CNOT1: variants seen among roughly 807,000 people sequenced by gnomAD.
CNOT1 encodes the protein CCR4-NOT transcription complex subunit 1.
A neutral mutation model predicts 273.8 loss-of-function variants in CNOT1; 15 were observed. The observed-to-expected ratio is 0.05, with a 90% confidence interval of 0.04 to 0.08. The LOEUF (loss-of-function observed/expected upper bound fraction) is 0.08, where lower values mean the gene tolerates loss of function less well. CNOT1 is among the 10% of genes least tolerant of loss of function. The probability of loss-of-function intolerance (pLI) is 1.00; values close to 1 mark genes in which losing one functional copy is unlikely to be tolerated. For synonymous variants in CNOT1, 1,022 were observed against 1,005.5 expected (o/e 1.02, Z -0.31); for missense variants, 1,644 against 2,912.2 (o/e 0.56, Z 10.02).
At position 58,556,984 on chromosome 16, in the gene CNOT1, A is replaced by G; in HGVS notation, c.2342T>C (p.Leu781Pro). ...GLSSQLPVGG[L>P]GTGSLTGIGT... ...TATACCAGTCAGGCTGCCTGTGCCA[A>G]GACCACCTACTAGAGAGAACGAAGG... The change falls in exon 19 of 49, where the codon CTT (leucine) becomes CCT (proline). Residue 781 changes from leucine to proline, a missense_variant. Physicochemically the swap from Leu to Pro is moderately conservative, Grantham distance 98 (BLOSUM62 -3). This residue lies in a region of CNOT1 where 706 missense variants were observed against 1,021.2 expected (regional missense o/e 0.69). Coordinates refer to ENST00000317147, the MANE Select transcript of CNOT1 (RefSeq NM_016284.5). The G allele has an allele frequency of 6.2e-7, 1 of 1,613,944 alleles. No homozygotes were observed. The highest frequency in any genetic ancestry group is 8.5e-7 in the Non-Finnish European group (1 of 1,179,952).
chr16:58,546,599 C>T, intron 28 of CNOT1, 73 bp downstream of exon 28: 4 of 1,611,056 alleles, frequency 2.5e-6, no homozygotes, highest in Non-Finnish European at 3.4e-6. Context: ...CCCCGAAATA[C>T]CCTGCCTTCA....
intron 1 of CNOT1, among the ~76,000 whole-genome samples, chr16:58,626,738 C>G (rs2043601151): frequency 6.7e-6 from 1 of 149,168 alleles, no homozygotes; most frequent in Non-Finnish European, 1.5e-5. Context: ...CCAGCCTGGG[C>G]AACAGGGTGA....
Position 58,553,806 on chromosome 16 carries a change from C to A in CNOT1, c.2946G>T (p.Met982Ile). 6.2e-7 allele frequency: 1 copy of A among 1,611,384 alleles called. No homozygotes were observed. The part of the protein sequence containing the change: ...CQHLASISHF[M>I]QFPHHLQEYI... ...CCTCCTGTAAATGATGTGGAAATTG[C>A]ATAAAGTGACTGATAGAAGCCAAAT... The change falls in exon 22 of 49, where the codon ATG becomes ATT. Residue 982 changes from methionine (M) to isoleucine (I), a missense_variant. Around this residue, in one of 13 missense-constraint regions of CNOT1, gnomAD observed 77 missense variants for 90.5 expected, o/e 0.85. Coordinates refer to ENST00000317147, the MANE Select transcript of CNOT1 (RefSeq NM_016284.5).
At chr16:58,546,904 A>C (rs1264979197) in intron 27 of CNOT1, among the ~76,000 whole-genome samples, 155 bp from the exon 28 acceptor site, 2 of 152,228 alleles carry the variant, frequency 1.3e-5, no homozygotes, top group African/African-American at 4.8e-5. Context: ...AGTTAAACAT[A>C]GTTAAACACT....
rs761189070 is a variant in CNOT1 at position 58,587,243 on chromosome 16, G to A, written c.391C>T (p.Leu131Phe). 6.2e-7 allele frequency: 1 copy of A among 1,613,660 alleles called. No individual in the cohort carries two copies. Among genetic ancestry groups the A allele is most frequent in the Non-Finnish European group, 8.5e-7 (1 of 1,179,896 alleles). The stretch of plus-strand genomic sequence containing the variant: ...GAGCTGGAAGAATTCAACAGGGCAA[G>A]GCCAAAAATTACCTGAAACAAGAAG... Reference protein sequence around the residue: ...LSKVQEVIFGLALLNSSSSDL... With the variant: ...LSKVQEVIFGFALLNSSSSDL... Residue 131 changes from leucine to phenylalanine, a missense_variant, in exon 6 of 49, where the codon CTT (leucine) becomes TTT (phenylalanine). Leu to Phe is a conservative substitution (Grantham distance 22, BLOSUM62 0). Around this residue, in one of 13 missense-constraint regions of CNOT1, gnomAD observed 706 missense variants for 1,021.2 expected, o/e 0.69. Transcript: ENST00000317147.
intron 16 of CNOT1, among the ~76,000 whole-genome samples, chr16:58,562,715 C>T (rs7198594): frequency 0.36 from 55,000 of 151,038 alleles, 10,988 homozygotes; most frequent in Non-Finnish European, 0.46. Context: ...CCCAGCTACT[C>T]GGGAGGCTGA....
In CNOT1 at chr16:58,543,160, T is replaced by C. The variant is rs368318121; in HGVS notation, c.4434+447A>G. The C allele has an allele frequency of 1.7e-5, 24 of 1,408,358 alleles. 1 individual carries two copies. The African/African-American group carries it at 2.0e-4, about 12-fold the overall frequency. 87.2% of individuals were successfully genotyped at this position (1,408,358 alleles called of 1,614,324 possible). A position where few individuals can be genotyped will look rare whatever the true frequency, so the allele number is the denominator to read the frequency against. On this transcript the variant is annotated intron_variant, in intron 31 of 48. Coordinates refer to ENST00000317147, the MANE Select transcript of CNOT1 (RefSeq NM_016284.5). ...ATTAAAGCAGTAAACAAATTATTAA[T>C]CATGATACCTGAATTATTAACCATG...
At position 58,590,996 on chromosome 16, in the gene CNOT1, CAAAA is replaced by C. The variant is rs1238179772; in HGVS notation, c.103-2094_103-2091del. ...AATTTCTGACAACATTATCTGTTAA[CAAAA>C]AGAAAGTAAAACAGAGCTTGCTAAC... On this transcript the variant is annotated intron_variant, in intron 2 of 48. Transcript: ENST00000317147. 3.9e-5 allele frequency among the ~76,000 whole-genome samples: 6 copies of C among 152,114 alleles called. No individual in the cohort carries two copies. The East Asian group carries it at 1.2e-3, about 29-fold the overall frequency.
At position 58,542,594 on chromosome 16, in the gene CNOT1, T is replaced by C. The variant is rs28514490; in HGVS notation, c.4435-26A>G. ...CTATTAATGGAGGTGGGTGGGGGGG[T>C]GGGGGGAATAGAAGGAAAAAGACTT... is the stretch of plus-strand genomic sequence containing the variant. On this transcript the variant is annotated intron_variant, in intron 31 of 48. Coordinates refer to ENST00000317147, the MANE Select transcript of CNOT1 (RefSeq NM_016284.5). 6 of 42,256 alleles carry C rather than the reference T, an allele frequency of 1.4e-4. No homozygotes were observed. In the African/African-American group the frequency reaches 2.5e-3, roughly 18 times the overall value. The allele number at this position is 42,256 out of a possible 1,614,324, so 2.6% of individuals were successfully genotyped here. A position where few individuals can be genotyped will look rare whatever the true frequency, so the allele number is the denominator to read the frequency against.
chr16:58,596,660 G>A (rs2042261559), intron 2 of CNOT1, among the ~76,000 whole-genome samples: 1 of 151,872 alleles, frequency 6.6e-6, no homozygotes, highest in Admixed American at 6.6e-5. Flanking sequence ...GGCCAAGGCG[G>A]GCGGATCACA....
intron 2 of CNOT1, among the ~76,000 whole-genome samples, chr16:58,593,903 T>C (rs1331828797): frequency 6.6e-6 from 1 of 152,204 alleles, no homozygotes. Context: ...GAAGTACTGA[T>C]ACATGCTACA....
At chr16:58,588,945 T>TA in intron 2 of CNOT1, 39 bp from the exon 3 acceptor site, 5 of 1,477,122 alleles carry the variant, frequency 3.4e-6, no homozygotes, top group Admixed American at 2.6e-5. Flanking sequence ...TAAGGGAAGA[T>TA]AAAACAAAAA....
In CNOT1 at chr16:58,535,061, AT is replaced by A. The variant is rs1228823770; in HGVS notation, c.5647-667del. On this transcript the variant is annotated intron_variant, in intron 39 of 48. Coordinates refer to ENST00000317147, the MANE Select transcript of CNOT1 (RefSeq NM_016284.5). ...GAACTAGAAGTGAAGCACAGTGGGA[AT>A]GTTATTTGGCTAGTTCCCCTCAACC... 3.9e-5 allele frequency among the ~76,000 whole-genome samples: 6 copies of A among 152,322 alleles called. No homozygotes were observed. The South Asian group carries it at 1.2e-3, about 32-fold the overall frequency.
Position 58,591,461 on chromosome 16 carries a change from A to ACCC in CNOT1, c.103-2556_103-2555insGGG, listed in dbSNP as rs1177837704. On this transcript the variant is annotated intron_variant, in intron 2 of 48. Coordinates refer to ENST00000317147, the MANE Select transcript of CNOT1 (RefSeq NM_016284.5). ...TTTAAGAGGCAGAATATGTTTTCAA[A>ACCC]TTTAACTATGCGCCGGACTCGGAGG... 4.6e-5 allele frequency among the ~76,000 whole-genome samples: 7 copies of ACCC among 152,316 alleles called. No individual in the cohort carries two copies. The South Asian group carries it at 1.5e-3, about 32-fold the overall frequency.
intron 43 of CNOT1, among the ~76,000 whole-genome samples, chr16:58,529,945 A>G (rs552166920): frequency 6.6e-6 from 1 of 152,148 alleles, no homozygotes; most frequent in African/African-American, 2.4e-5. Context: ...TAAAATGAAA[A>G]ACAGATAATA....
intron 1 of CNOT1, among the ~76,000 whole-genome samples, chr16:58,622,325 C>T (rs1237850259): frequency 4.7e-5 from 1 of 21,256 alleles, no homozygotes; most frequent in Non-Finnish European, 8.7e-5. Flanking sequence ...AAAAATGTAC[C>T]ACTCTAGTGG....
chr16:58,549,181 G>T (rs1451179239), intron 25 of CNOT1, among the ~76,000 whole-genome samples: 1 of 151,814 alleles, frequency 6.6e-6, no homozygotes, highest in Non-Finnish European at 1.5e-5. Flanking sequence ...CAGCTACTCG[G>T]GAGGCTGAAG....
rs190167900 is a variant in CNOT1, at chr16:58,613,684, G to A, written c.-174-14173C>T. On this transcript the variant is annotated intron_variant, in intron 1 of 48. Coordinates refer to ENST00000317147, the MANE Select transcript of CNOT1 (RefSeq NM_016284.5). Reference sequence around the variant, plus strand: ...CTATTGAGGGGAAAAAAACAGTCACGTAACAGTGGTCTATTTAGATTATGT... The same window carrying A: ...CTATTGAGGGGAAAAAAACAGTCACATAACAGTGGTCTATTTAGATTATGT... 8.8e-5 allele frequency among the ~76,000 whole-genome samples: 11 copies of A among 124,770 alleles called. 2 individuals carry two copies. Among genetic ancestry groups the A allele is most frequent in the African/African-American group, 2.1e-4 (8 of 37,226 alleles). The allele number at this position is 124,770 out of a possible 152,430, so 81.9% of individuals were successfully genotyped here.
chr16:58,585,645 C>A (rs928868813), intron 7 of CNOT1, 139 bp from the exon 8 acceptor site: 1 of 1,391,126 alleles, frequency 7.2e-7, no homozygotes, highest in African/African-American at 1.5e-5. Context: ...TTCCAGCCTA[C>A]TAGCCGAAGT....
Sources: gnomAD v4.1 joint callset for allele counts (sites outside exome capture counted in the v4.1 genomes callset) on GRCh38, gnomAD v4.1.1 for gene constraint, gnomAD v4.1.1 regional missense constraint, MANE v1.5 for transcripts, NCBI Gene and HGNC (gene_info 2026-07-23, HGNC 2026-07-21) for gene names.